FAM13C: variants seen among roughly 807,000 people sequenced by gnomAD.
The protein encoded by FAM13C is protein FAM13C.
A neutral mutation model predicts 73.2 loss-of-function variants in FAM13C; 37 were observed. The observed-to-expected ratio is 0.51, with a 90% CI of 0.39 to 0.67. The LOEUF is 0.67. Ranked by LOEUF, FAM13C falls within the 30% of genes least tolerant of loss-of-function variation. FAM13C has a pLI of 0.00. For missense variants in FAM13C, 589 were observed against 715.6 expected (o/e 0.82, Z 2.02); for synonymous variants, 246 against 260.9 (o/e 0.94, Z 0.55).
intron 3 of FAM13C, among the ~76,000 whole-genome samples, chr10:59,338,154 T>C (rs1217435695): frequency 6.6e-6 from 1 of 152,172 alleles, no homozygotes; most frequent in African/African-American, 2.4e-5. Flanking sequence ...GTGGGTCATA[T>C]TATCCCTCAT....
intron 5 of FAM13C, among the ~76,000 whole-genome samples, chr10:59,296,451 G>C (rs1846934801): frequency 6.6e-6 from 1 of 152,166 alleles, no homozygotes; most frequent in Non-Finnish European, 1.5e-5. Flanking sequence ...GAACAGATAA[G>C]AGTTAACAGT....
chr10:59,339,306 C>A (rs962172919), intron 3 of FAM13C, among the ~76,000 whole-genome samples: 5 of 152,172 alleles, frequency 3.3e-5, no homozygotes, highest in Non-Finnish European at 7.3e-5. Context: ...GGACACTACT[C>A]AACCTACTTC....
At chr10:59,264,230 A>G (rs1842800886) in intron 8 of FAM13C, 64 bp from the exon 9 acceptor site, 1 of 1,224,356 alleles carries the variant, frequency 8.2e-7, no homozygotes, top group Non-Finnish European at 1.2e-6. Context: ...GGGGGAGAAA[A>G]AGAGAAAAGG....
At chr10:59,300,440 G>T (rs1197174188) in intron 5 of FAM13C, among the ~76,000 whole-genome samples, 1 of 152,116 alleles carries the variant, frequency 6.6e-6, no homozygotes, top group African/African-American at 2.4e-5. Flanking sequence ...AGGATGTGTG[G>T]GGAGGTGGTG....
intron 4 of FAM13C, among the ~76,000 whole-genome samples, chr10:59,313,712 T>C (rs1277594630): frequency 2.0e-5 from 3 of 152,080 alleles, no homozygotes; most frequent in Non-Finnish European, 2.9e-5. Flanking sequence ...AACAGATCTA[T>C]GAAGGTAACC....
At chr10:59,320,585 C>A (rs573321102) in intron 4 of FAM13C, among the ~76,000 whole-genome samples, 61 of 152,312 alleles carry the variant, frequency 4.0e-4, no homozygotes, top group African/African-American at 1.3e-3. Context: ...ATTCGTGAAT[C>A]AGGCAGCCTT....
At chr10:59,335,696 T>C (rs1425620114) in intron 3 of FAM13C, among the ~76,000 whole-genome samples, 1 of 152,206 alleles carries the variant, frequency 6.6e-6, no homozygotes, top group Non-Finnish European at 1.5e-5. Context: ...CAGCTTTCTA[T>C]GGCCTACATT....
At chr10:59,293,283 A>G (rs1286295952) in intron 5 of FAM13C, among the ~76,000 whole-genome samples, 1 of 151,754 alleles carries the variant, frequency 6.6e-6, no homozygotes, top group Non-Finnish European at 1.5e-5. Context: ...TCACCGTGTT[A>G]GCCTGGATGG....
intron 6 of FAM13C, among the ~76,000 whole-genome samples, chr10:59,273,074 G>A (rs1563823): frequency 0.092 from 13,957 of 152,194 alleles, 839 homozygotes; most frequent in South Asian, 0.2. Flanking sequence ...TGAAACTGCC[G>A]AAAGGGAAGC....
intron 8 of FAM13C, among the ~76,000 whole-genome samples, chr10:59,267,364 C>T (rs1439291319): frequency 6.6e-6 from 1 of 152,194 alleles, no homozygotes; most frequent in Non-Finnish European, 1.5e-5. Context: ...CCTGATAGAA[C>T]ACAACTATCT....
chr10:59,343,124 A>G (rs781380185), intron 3 of FAM13C, among the ~76,000 whole-genome samples: 4 of 152,236 alleles, frequency 2.6e-5, no homozygotes, highest in Non-Finnish European at 5.9e-5. Context: ...CGAGAGCAAG[A>G]CCACGATTAT....
chr10:59,283,416 T>C lies in FAM13C; in HGVS notation c.539A>G (p.Asp180Gly). 6.2e-7 allele frequency: 1 copy of C among 1,614,164 alleles called. No individual in the cohort carries two copies. The highest frequency in any genetic ancestry group is 8.5e-7 in the Non-Finnish European group (1 of 1,180,026). ...GCTCTGGGTTGATGCTGGCGCCGGG[T>C]CCTTGACTCCATGCACCTGAGCAGC... Reference protein sequence around the residue: ...EEAAQVHGVKDPAPASTQSVL... With the variant: ...EEAAQVHGVKGPAPASTQSVL... The change falls in exon 6 of 14, where the codon GAC becomes GGC. Residue 180 changes from aspartate to glycine, a missense_variant. Transcript: ENST00000618804.
chr10:59,330,593 G>T (rs746292246), intron 3 of FAM13C, among the ~76,000 whole-genome samples: 16 of 152,156 alleles, frequency 1.1e-4, no homozygotes, highest in Non-Finnish European at 2.1e-4. Context: ...GAGATTGGAG[G>T]CAGGGAGGCA....
chr10:59,291,986 C>T (rs1177025498), intron 5 of FAM13C, among the ~76,000 whole-genome samples: 1 of 151,988 alleles, frequency 6.6e-6, no homozygotes, highest in Admixed American at 6.6e-5. Flanking sequence ...GGCAGGGTTT[C>T]ACCATATTAG....
intron 4 of FAM13C, among the ~76,000 whole-genome samples, chr10:59,315,120 C>T (rs1849371666): frequency 6.6e-6 from 1 of 152,154 alleles, no homozygotes; most frequent in Non-Finnish European, 1.5e-5. Context: ...TATTATTTGT[C>T]TTGCAAATAA....
chr10:59,318,744 T>A (rs999849899), intron 4 of FAM13C, among the ~76,000 whole-genome samples: 2 of 151,994 alleles, frequency 1.3e-5, no homozygotes, highest in Admixed American at 6.6e-5. Flanking sequence ...ATGAACTAGG[T>A]CAATACCCAC....
chr10:59,330,851 C>A (rs1258557926), intron 3 of FAM13C, among the ~76,000 whole-genome samples: 1 of 152,136 alleles, frequency 6.6e-6, no homozygotes, highest in Non-Finnish European at 1.5e-5. Context: ...TTGCTTCACT[C>A]CCTCATAGCA....
At chr10:59,258,788 C>CTA (rs1316053543) in intron 10 of FAM13C, among the ~76,000 whole-genome samples, 1 of 152,072 alleles carries the variant, frequency 6.6e-6, no homozygotes, top group Non-Finnish European at 1.5e-5. Context: ...ATCTCTAAGT[C>CTA]TACTGTCTTT....
At chr10:59,352,939 T>C (rs1855263152) in intron 2 of FAM13C, among the ~76,000 whole-genome samples, 2 of 152,214 alleles carry the variant, frequency 1.3e-5, no homozygotes, top group African/African-American at 4.8e-5. Context: ...ACCTGTGTTC[T>C]TGGTTCAAGG....
Sources: gnomAD v4.1 joint callset for allele counts (sites outside exome capture counted in the v4.1 genomes callset) on GRCh38, gnomAD v4.1.1 for gene constraint, MANE v1.5 for transcripts, NCBI Gene and HGNC (gene_info 2026-07-23, HGNC 2026-07-21) for gene names.